TCHP: variants seen among roughly 807,000 people sequenced by gnomAD.
The protein encoded by TCHP is trichoplein keratin filament binding, also known as trichoplein keratin filament-binding protein.
A neutral mutation model predicts 88.7 loss-of-function variants in TCHP; 81 were observed. The ratio of observed to expected loss-of-function variants is 0.91; its 90% CI spans 0.76 to 1.10. The LOEUF (loss-of-function observed/expected upper bound fraction) is 1.10, where lower values mean the gene tolerates loss of function less well. Among genes scored for constraint, TCHP ranks in the 50% least tolerant of loss-of-function variants. The pLI, the probability that TCHP is intolerant of heterozygous loss-of-function variation, is 0.00. For missense variants in TCHP, 641 were observed against 632.1 expected (o/e 1.01, Z -0.15); for synonymous variants, 232 against 232.5 (o/e 1.00, Z 0.02).
the TCHP span, among the ~76,000 whole-genome samples, chr12:109,882,613 T>A: frequency 6.7e-6 from 1 of 149,578 alleles, no homozygotes; most frequent in African/African-American, 2.5e-5. Context: ...GGCTGGAGTA[T>A]ATTGGGGCAG....
chr12:109,900,217 C>T (rs1177177159), upstream of TCHP: 3 of 152,300 alleles, frequency 2.0e-5, no homozygotes, highest in African/African-American at 7.2e-5. Context: ...GACGGGGCAC[C>T]AGAGAAAAAC....
chr12:109,908,637 C>T lies in TCHP; in HGVS notation c.751C>T (p.Leu251=). 6.2e-7 allele frequency: 1 copy of T among 1,602,988 alleles called. No individual in the cohort carries two copies. Among genetic ancestry groups the T allele is most frequent in the Non-Finnish European group, 8.5e-7 (1 of 1,176,072 alleles). ...QENLLKQRWE[L]ERLEEERKQM... Reference sequence around the variant, plus strand: ...GAATCTGTTGAAGCAGCGGTGGGAGCTAGAGAGGCTGGAGGAAGAGCGAAA... The same window carrying T: ...GAATCTGTTGAAGCAGCGGTGGGAGTTAGAGAGGCTGGAGGAAGAGCGAAA... The change falls in exon 7 of 13, where the codon CTA becomes TTA. Residue 251 remains leucine, a synonymous_variant. Coordinates refer to ENST00000405876, the MANE Select transcript of TCHP (RefSeq NM_001143852.2).
intron 6 of TCHP, among the ~76,000 whole-genome samples, 174 bp downstream of exon 6, chr12:109,907,873 A>G (rs1215290200): frequency 6.6e-6 from 1 of 152,208 alleles, no homozygotes; most frequent in African/African-American, 2.4e-5. Flanking sequence ...GTGCTTTCCC[A>G]TCCTCCTCGT....
Position 109,903,032 on chromosome 12 carries a change from G to T in TCHP, c.6G>T (p.Ala2=). Residue 2 remains alanine (A), a synonymous_variant, in exon 2 of 13, where the codon GCG becomes GCT. Coordinates refer to ENST00000405876, the MANE Select transcript of TCHP (RefSeq NM_001143852.2). This position sits in a 1 kb window ranked among gnomAD's most constrained non-coding sequence, Gnocchi z 4.6. M[A]LPTLPSYWCS... ...CCTCCCATTCCTGTTCTCAGATGGC[G>T]CTCCCGACGCTGCCGTCCTACTGGT... 2 of 1,594,988 alleles carry T rather than the reference G, an allele frequency of 1.3e-6. No homozygotes were observed. Among genetic ancestry groups the T allele is most frequent in the South Asian group, 1.1e-5 (1 of 89,368 alleles).
At position 109,908,890 on chromosome 12, in the gene TCHP, TATA is replaced by T; in HGVS notation, c.834_836del (p.Asn279del). The T allele has an allele frequency of 6.2e-7, 1 of 1,614,222 alleles. No homozygotes were observed. Among genetic ancestry groups the T allele is most frequent in the Non-Finnish European group, 8.5e-7 (1 of 1,180,044 alleles). ...CTTCAGGCGTTTCTTGAGACATCAGTATAACGCTCAACTCAGCAGACGCACACA... is the reference window on the plus strand; with the variant it reads ...CTTCAGGCGTTTCTTGAGACATCAGTACGCTCAACTCAGCAGACGCACACA... On this transcript the variant is annotated inframe_deletion, in exon 8 of 13. Transcript: ENST00000405876.
intron 11 of TCHP, 199 bp from the exon 12 acceptor site, chr12:109,915,204 C>A: frequency 1.5e-6 from 1 of 689,218 alleles, no homozygotes. Flanking sequence ...ACAGCCTCTC[C>A]AGCTTTCTAT....
At chr12:109,900,690 C>T (rs1869734944) in intron 1 of TCHP, 2 of 152,254 alleles carry the variant, frequency 1.3e-5, no homozygotes, top group Admixed American at 1.3e-4. Context: ...ACTCTTGGTG[C>T]AAAGACTGAT....
rs1870313363 is a variant in TCHP, at chr12:109,908,861, T to C, written c.813-10T>C. On this transcript the variant is annotated splice_polypyrimidine_tract_variant and intron_variant, in intron 7 of 12. Transcript: ENST00000405876. ...ATACTGAAGGCAGCCCACATTTGAT[T>C]CTCCTTCAGGCGTTTCTTGAGACAT... 6.2e-7 allele frequency: 1 copy of C among 1,613,996 alleles called. No individual in the cohort carries two copies. The highest frequency in any genetic ancestry group is 1.3e-5 in the African/African-American group (1 of 74,928).
chr12:109,881,991 C>T, the TCHP span, among the ~76,000 whole-genome samples: 1 of 151,882 alleles, frequency 6.6e-6, no homozygotes, highest in Non-Finnish European at 1.5e-5. Context: ...AGCAAAATCC[C>T]TGCCCTTGTG....
At chr12:109,902,922 C>T in intron 1 of TCHP, 105 bp from the exon 2 acceptor site, 1 of 794,306 alleles carries the variant, frequency 1.3e-6, no homozygotes, top group Non-Finnish European at 1.9e-6. Context: ...GTTGATTTCA[C>T]TGTGCAGCCA....
the TCHP span, among the ~76,000 whole-genome samples, chr12:109,892,668 G>A: frequency 2.6e-5 from 4 of 152,166 alleles, no homozygotes; most frequent in African/African-American, 9.7e-5. Context: ...CCCCATTTTG[G>A]TGGACTGTGC....
At chr12:109,895,981 C>G (rs1292547531), upstream of TCHP, among the ~76,000 whole-genome samples, 1 of 152,002 alleles carries the variant, frequency 6.6e-6, no homozygotes, top group Admixed American at 6.6e-5. Flanking sequence ...GAGTCTCACT[C>G]TGTTGCCCAG....
rs1163083093 is a variant in TCHP at position 109,905,636 on chromosome 12, A to G, written c.456+843A>G. ...ACTGTTATTCATTTATTTTCAACTT[A>G]CAGTTTTTGTATACATTTGGTGCCT... On this transcript the variant is annotated intron_variant, in intron 4 of 12. Transcript: ENST00000405876. The surrounding 1 kb of genome is among the most constrained non-coding windows in gnomAD (Gnocchi z 4.0). Among the ~76,000 whole-genome samples the G allele has an allele frequency of 6.6e-6, 1 of 152,104 alleles. No individual in the cohort carries two copies. The highest frequency in any genetic ancestry group is 1.5e-5 in the Non-Finnish European group (1 of 68,018).
chr12:109,888,103 C>G, the TCHP span: 1 of 152,132 alleles, frequency 6.6e-6, no homozygotes, highest in Admixed American at 6.5e-5. Context: ...AGCATGTACC[C>G]TCCCCAGTGC....
At position 109,903,041 on chromosome 12, in the gene TCHP, G is replaced by T. The variant is rs199913167; in HGVS notation, c.15G>T (p.Thr5=). 1.2e-6 allele frequency: 2 copies of T among 1,600,158 alleles called. No individual in the cohort carries two copies. Among genetic ancestry groups the T allele is most frequent in the Non-Finnish European group, 1.7e-6 (2 of 1,173,008 alleles). The change falls in exon 2 of 13, where the codon ACG becomes ACT. Residue 5 remains threonine (T), a synonymous_variant. Coordinates refer to ENST00000405876, the MANE Select transcript of TCHP (RefSeq NM_001143852.2). The surrounding 1 kb of genome is among the most constrained non-coding windows in gnomAD (Gnocchi z 4.6). ...CCTGTTCTCAGATGGCGCTCCCGAC[G>T]CTGCCGTCCTACTGGTGCAGCCAGC... MALP[T]LPSYWCSQQR...
At chr12:109,913,343 A>AT (rs767949957) in intron 10 of TCHP, among the ~76,000 whole-genome samples, 1 of 152,076 alleles carries the variant, frequency 6.6e-6, no homozygotes, top group Non-Finnish European at 1.5e-5. Flanking sequence ...TATGCCTGAC[A>AT]TTTTTTCTAC....
At position 109,913,066 on chromosome 12, in the gene TCHP, G is replaced by A. The variant is rs1870601418; in HGVS notation, c.1128G>A (p.Met376Ile). ...ARERSARDRLMSEVLTGRQQQ... is the reference protein window; with the variant it reads ...ARERSARDRLISEVLTGRQQQ... ...AGCGCAGCGCACGGGACAGACTGAT[G>A]AGCGAGGTAATCCCAGCTGCGGCGA... Residue 376 changes from methionine (M) to isoleucine (I), a missense_variant, in exon 10 of 13, where the codon ATG (methionine) becomes ATA (isoleucine). Met to Ile is a conservative substitution (Grantham distance 10). Transcript: ENST00000405876. The A allele has an allele frequency of 6.2e-7, 1 of 1,613,836 alleles. No individual in the cohort carries two copies. Among genetic ancestry groups the A allele is most frequent in the Non-Finnish European group, 8.5e-7 (1 of 1,179,988 alleles).
chr12:109,910,969 G>A (rs750617111), intron 8 of TCHP, 94 bp from the exon 9 acceptor site: 4 of 1,415,664 alleles, frequency 2.8e-6, no homozygotes, highest in Non-Finnish European at 3.7e-6. Flanking sequence ...GAATGTCTAT[G>A]TAGAAAGGAA....
the TCHP span, among the ~76,000 whole-genome samples, chr12:109,886,544 C>T: frequency 3.3e-5 from 5 of 152,120 alleles, no homozygotes; most frequent in Non-Finnish European, 5.9e-5. Flanking sequence ...TAAGTCCTTC[C>T]TTACTCTCTA....
Sources: allele counts gnomAD v4.1 joint callset (sites outside exome capture counted in the v4.1 genomes callset), GRCh38; gene constraint gnomAD v4.1.1; non-coding constraint Gnocchi (gnomAD v3.1); transcripts MANE v1.5; gene names NCBI Gene and HGNC (gene_info 2026-07-23, HGNC 2026-07-21).